SHMT1: variants seen among roughly 807,000 people sequenced by gnomAD.
The protein encoded by SHMT1 is serine hydroxymethyltransferase, cytosolic.
SHMT1 carries 45 observed loss-of-function variants against 49.0 expected under a neutral mutation model. That is an observed-to-expected ratio of 0.92 (90% CI 0.72 to 1.18). SHMT1 has a LOEUF of 1.18. Among genes scored for constraint, SHMT1 ranks in the 50% most tolerant of loss-of-function variants. The pLI is 0.00. For missense variants in SHMT1, 541 were observed against 612.4 expected (o/e 0.88, Z 1.23); for synonymous variants, 232 against 246.6 (o/e 0.94, Z 0.55).
Position 18,359,109 on chromosome 17 carries a change from G to T in SHMT1, c.-19-3109C>A, listed in dbSNP as rs761604264. ...AAAAATTACCCAGGTGTGGTGGCAG[G>T]CACCTGTAACCCCAGCTACTTGGGA... On this transcript the variant is annotated intron_variant, in intron 1 of 11. Transcript: ENST00000316694. Among the ~76,000 whole-genome samples the T allele has an allele frequency of 2.7e-5, 4 of 150,900 alleles. No homozygotes were observed. The South Asian group carries it at 8.4e-4, about 32-fold the overall frequency.
chr17:18,362,029 C>G (rs992360400), intron 1 of SHMT1, among the ~76,000 whole-genome samples: 3 of 152,206 alleles, frequency 2.0e-5, no homozygotes, highest in African/African-American at 7.2e-5. Flanking sequence ...ACCTGGGCCT[C>G]TGTCACATAA....
chr17:18,353,537 G>A (rs997538723), intron 3 of SHMT1, 135 bp downstream of exon 3: 16 of 906,368 alleles, frequency 1.8e-5, no homozygotes, highest in Middle Eastern at 3.2e-4. Flanking sequence ...TTCTGTCAGA[G>A]AGCAGGCGTG....
chr17:18,360,012 C>T (rs1442190103), intron 1 of SHMT1, among the ~76,000 whole-genome samples: 2 of 151,956 alleles, frequency 1.3e-5, no homozygotes, highest in African/African-American at 4.8e-5. Flanking sequence ...CTTTGGGAGG[C>T]CAAGGCGGGC....
chr17:18,350,309 C>T (rs1209123219), intron 3 of SHMT1, among the ~76,000 whole-genome samples: 2 of 151,702 alleles, frequency 1.3e-5, no homozygotes, highest in Non-Finnish European at 2.9e-5. Flanking sequence ...CCAGCCTGGG[C>T]GACAGAGTGA....
At chr17:18,353,545 G>T in intron 3 of SHMT1, 127 bp downstream of exon 3, 1 of 975,472 alleles carries the variant, frequency 1.0e-6, no homozygotes. Context: ...GAGAGCAGGC[G>T]TGGAACAGAA....
chr17:18,335,424 C>G, intron 8 of SHMT1, 135 bp downstream of exon 8: 1 of 712,618 alleles, frequency 1.4e-6, no homozygotes, highest in Non-Finnish European at 2.6e-6. Flanking sequence ...ATGCCCTACT[C>G]TGTGTTAGCA....
intron 1 of SHMT1, among the ~76,000 whole-genome samples, chr17:18,359,673 T>A (rs1289999119): frequency 4.1e-5 from 6 of 147,144 alleles, no homozygotes; most frequent in Non-Finnish European, 6.0e-5. Context: ...AAAGGCCAGG[T>A]GCAGTGGTTC....
rs935680048 is a variant in SHMT1, at chr17:18,340,970, C to G, written c.520-157G>C. On this transcript the variant is annotated intron_variant, in intron 5 of 11. Transcript: ENST00000316694. This position sits in a 1 kb window ranked among gnomAD's most constrained non-coding sequence, Gnocchi z 4.5. ...CAGGATGGATACTGGTGTGTTCAGC[C>G]TGCTCAACCAAGTATGGCTCACAGA... The G allele has an allele frequency of 4.5e-6, 3 of 674,008 alleles. No homozygotes were observed. The highest frequency in any genetic ancestry group is 8.1e-6 in the Non-Finnish European group (3 of 370,210). The allele number at this position is 674,008 out of a possible 1,614,324, so 41.8% of individuals were successfully genotyped here.
Position 18,335,439 on chromosome 17 carries a change from C to G in SHMT1, c.931+120G>C, listed in dbSNP as rs73291870. On this transcript the variant is annotated intron_variant, in intron 8 of 11. Transcript: ENST00000316694. ...ATGCCCTACTCTGTGTTAGCATCTC[C>G]TGCACAGAGACAGCCCTCCAGCTTT... The G allele has an allele frequency of 2.4e-4, 178 of 750,572 alleles. No homozygotes were observed. In the African/African-American group the frequency reaches 2.8e-3, roughly 12 times the overall value. 46.5% of individuals were successfully genotyped at this position (750,572 alleles called of 1,614,324 possible). A position where few individuals can be genotyped will look rare whatever the true frequency, so the allele number is the denominator to read the frequency against.
chr17:18,341,908 G>A (rs970828696), intron 5 of SHMT1, among the ~76,000 whole-genome samples: 3 of 152,146 alleles, frequency 2.0e-5, no homozygotes, highest in Non-Finnish European at 4.4e-5. Context: ...CAGTGGTGAC[G>A]CTGCAGTGCA....
intron 1 of SHMT1, among the ~76,000 whole-genome samples, chr17:18,362,671 C>G (rs1026951700): frequency 6.6e-6 from 1 of 152,196 alleles, no homozygotes; most frequent in Admixed American, 6.5e-5. Flanking sequence ...CCAGTCTATT[C>G]TCTGGGTAAC....
At position 18,340,367 on chromosome 17, in the gene SHMT1, T is replaced by C; in HGVS notation, c.602-112A>G. 8.4e-7 allele frequency: 1 copy of C among 1,189,008 alleles called. No homozygotes were observed. Among genetic ancestry groups the C allele is most frequent in the South Asian group, 1.3e-5 (1 of 79,270 alleles). The allele number at this position is 1,189,008 out of a possible 1,614,324, so 73.7% of individuals were successfully genotyped here. ...CTGAAAGCCCAGAGATTTCTTCCCT[T>C]AAAGTCTCAGAGCAAAAATGGAGAA... On this transcript the variant is annotated intron_variant, in intron 6 of 11. Transcript: ENST00000316694. The surrounding 1 kb of genome is among the most constrained non-coding windows in gnomAD (Gnocchi z 4.5).
At chr17:18,330,484 T>G in intron 10 of SHMT1, 71 bp downstream of exon 10, 11 of 1,111,502 alleles carry the variant, frequency 9.9e-6, no homozygotes, top group Non-Finnish European at 4.2e-6. Flanking sequence ...AATATATTCA[T>G]CAGCTACAAC....
chr17:18,362,890 C>G (rs1297152328), intron 1 of SHMT1: 3 of 152,234 alleles, frequency 2.0e-5, no homozygotes, highest in African/African-American at 7.2e-5. Flanking sequence ...CGACCCTGCG[C>G]GCAGCCTTTA....
At chr17:18,344,460 A>G (rs1374203548) in intron 5 of SHMT1, among the ~76,000 whole-genome samples, 2 of 151,384 alleles carry the variant, frequency 1.3e-5, no homozygotes, top group African/African-American at 4.8e-5. Context: ...TGAGTCCAGG[A>G]GTTTGAGACC....
At chr17:18,345,093 C>T (rs891113141) in intron 5 of SHMT1, among the ~76,000 whole-genome samples, 1 of 152,142 alleles carries the variant, frequency 6.6e-6, no homozygotes, top group Non-Finnish European at 1.5e-5. Context: ...ACCCCCACAG[C>T]GGGTGAGCTG....
intron 4 of SHMT1, 96 bp from the exon 5 acceptor site, chr17:18,347,752 C>T (rs1386996913): frequency 1.2e-5 from 17 of 1,360,694 alleles, no homozygotes; most frequent in Admixed American, 3.6e-5. Flanking sequence ...CCAGGAGTGG[C>T]GAGAACAGGC....
rs964861238 is a variant in SHMT1, at chr17:18,329,209, G to A, written c.1282+69C>T. The A allele has an allele frequency of 2.6e-6, 3 of 1,161,744 alleles. No homozygotes were observed. In the African/African-American group the frequency reaches 4.5e-5, roughly 18 times the overall value. The allele number at this position is 1,161,744 out of a possible 1,614,324, so 72.0% of individuals were successfully genotyped here. On this transcript the variant is annotated intron_variant, in intron 11 of 11. Coordinates refer to ENST00000316694, the MANE Select transcript of SHMT1 (RefSeq NM_004169.5). ...ATTGTCTTTCAGTGGCAGGGTCTCA[G>A]CTACTCATCACAATCAGAAACTAAA...
At chr17:18,346,878 C>A (rs1411660172) in intron 5 of SHMT1, among the ~76,000 whole-genome samples, 2 of 152,142 alleles carry the variant, frequency 1.3e-5, no homozygotes, top group African/African-American at 4.8e-5. Flanking sequence ...GTATGGGGGG[C>A]TTGAAGTACA....
Sources: gnomAD v4.1 joint callset for allele counts (sites outside exome capture counted in the v4.1 genomes callset) on GRCh38, gnomAD v4.1.1 for gene constraint, Gnocchi (gnomAD v3.1) non-coding constraint, MANE v1.5 for transcripts, NCBI Gene and HGNC (gene_info 2026-07-23, HGNC 2026-07-21) for gene names.